DOCK4: variants seen among roughly 807,000 people sequenced by gnomAD.
DOCK4 encodes dedicator of cytokinesis 4, also known as dedicator of cytokinesis protein 4.
A neutral mutation model predicts 268.1 loss-of-function variants in DOCK4; 97 were observed. That is an observed-to-expected ratio of 0.36 (90% CI 0.31 to 0.43). The LOEUF is 0.43. Among genes scored for constraint, DOCK4 ranks in the 20% least tolerant of loss-of-function variants. DOCK4 has a pLI of 1.00. For missense variants in DOCK4, 2,145 were observed against 2,455.7 expected, an observed-to-expected ratio of 0.87 and a Z score of 2.67; for synonymous variants, 954 against 887.2, an observed-to-expected ratio of 1.08 and a Z score of -1.34.
chr7:111,958,213 G>A (rs773701061), intron 8 of DOCK4, among the ~76,000 whole-genome samples: 6 of 152,110 alleles, frequency 3.9e-5, no homozygotes, highest in Non-Finnish European at 8.8e-5. Context: ...CCTGTGTCAG[G>A]CGCACTACAA....
At chr7:111,916,597 C>T (rs950242259) in intron 12 of DOCK4, among the ~76,000 whole-genome samples, 1 of 152,036 alleles carries the variant, frequency 6.6e-6, no homozygotes, top group African/African-American at 2.4e-5. Flanking sequence ...AAGGACATTA[C>T]CTTAGCTGGA....
intron 12 of DOCK4, among the ~76,000 whole-genome samples, chr7:111,933,859 C>T (rs971171590): frequency 2.6e-5 from 4 of 152,136 alleles, no homozygotes; most frequent in Non-Finnish European, 2.9e-5. Flanking sequence ...TAGTCTGAAG[C>T]GTTGCCACAT....
At chr7:111,903,123 G>A (rs1278929547) in intron 13 of DOCK4, among the ~76,000 whole-genome samples, 1 of 152,132 alleles carries the variant, frequency 6.6e-6, no homozygotes, top group Non-Finnish European at 1.5e-5. Flanking sequence ...GTCAAAGTGT[G>A]CACAAGGAAG....
chr7:111,761,120 G>A (rs1049838601), intron 39 of DOCK4, among the ~76,000 whole-genome samples: 4 of 151,102 alleles, frequency 2.6e-5, no homozygotes, highest in Admixed American at 1.3e-4. Flanking sequence ...GCATGCAGTG[G>A]TATGATCTCA....
In DOCK4 at chr7:111,758,632, C is replaced by T; in HGVS notation, c.4321G>A (p.Glu1441Lys). The T allele has an allele frequency of 6.2e-7, 1 of 1,613,908 alleles. No homozygotes were observed. The highest frequency in any genetic ancestry group is 8.5e-7 in the Non-Finnish European group (1 of 1,179,850). ...TAAGAATTGCATGGTACCTTGAATT[C>T]ATTCTCTTTATCTTTTGTGCCTTTG... ...FHKGTKDKEN[E>K]FKSLWVERTS... The change falls in exon 41 of 53, where the codon GAA becomes AAA. Residue 1441 changes from glutamate (E) to lysine (K), a missense_variant. This residue lies in a region of DOCK4 where 1,598 missense variants were observed against 1,986.7 expected (regional missense o/e 0.80). Transcript: ENST00000428084.
At chr7:111,980,616 G>C (rs1195586317) in intron 7 of DOCK4, among the ~76,000 whole-genome samples, 1 of 152,164 alleles carries the variant, frequency 6.6e-6, no homozygotes, top group East Asian at 1.9e-4. Flanking sequence ...TCCTTGTTGT[G>C]GGGGCTGTCC....
intron 1 of DOCK4, among the ~76,000 whole-genome samples, chr7:112,150,135 T>G (rs1325553609): frequency 1.3e-5 from 2 of 152,182 alleles, no homozygotes; most frequent in African/African-American, 4.8e-5. Flanking sequence ...TAATCTGAAC[T>G]TAGGTCTGAC....
chr7:112,094,930 C>A (rs1809972591), intron 1 of DOCK4, among the ~76,000 whole-genome samples: 1 of 152,160 alleles, frequency 6.6e-6, no homozygotes, highest in Non-Finnish European at 1.5e-5. Flanking sequence ...CATGAGGCCT[C>A]CCCAGAAGCA....
chr7:112,102,180 G>C (rs2135817050), intron 1 of DOCK4, among the ~76,000 whole-genome samples: 1 of 152,228 alleles, frequency 6.6e-6, no homozygotes, highest in East Asian at 1.9e-4. Context: ...ATTGTTTATG[G>C]ATCTATCTGT....
intron 36 of DOCK4, among the ~76,000 whole-genome samples, chr7:111,776,868 T>G (rs1233841536): frequency 6.6e-6 from 1 of 152,174 alleles, no homozygotes; most frequent in East Asian, 1.9e-4. Flanking sequence ...TCTTCCAGGG[T>G]GGAGTGCAGT....
intron 1 of DOCK4, among the ~76,000 whole-genome samples, chr7:112,199,240 G>C (rs1820718751): frequency 6.6e-6 from 1 of 152,126 alleles, no homozygotes; most frequent in East Asian, 1.9e-4. Context: ...TCCTTCATGA[G>C]GTATCATGAA....
chr7:111,847,295 C>T (rs1451261326), intron 23 of DOCK4, among the ~76,000 whole-genome samples, 169 bp from the exon 24 acceptor site: 2 of 152,196 alleles, frequency 1.3e-5, no homozygotes, highest in Non-Finnish European at 2.9e-5. Context: ...GTTCCTTTCC[C>T]TAATGCACAA....
chr7:111,933,221 C>T (rs1398405746), intron 12 of DOCK4, among the ~76,000 whole-genome samples: 10 of 136,900 alleles, frequency 7.3e-5, no homozygotes, highest in East Asian at 2.1e-4. Context: ...CACATATATA[C>T]GTATATACAC....
chr7:112,189,419 G>C (rs1397280159), intron 1 of DOCK4, among the ~76,000 whole-genome samples: 3 of 152,096 alleles, frequency 2.0e-5, no homozygotes, highest in Non-Finnish European at 4.4e-5. Flanking sequence ...TTCTACAACT[G>C]ACCATTACAT....
At chr7:112,066,141 G>A (rs1271702700) in intron 1 of DOCK4, among the ~76,000 whole-genome samples, 2 of 152,182 alleles carry the variant, frequency 1.3e-5, no homozygotes, top group Non-Finnish European at 2.9e-5. Flanking sequence ...GGTGTTTCAG[G>A]AAGAGAACAG....
At chr7:111,856,810 CCAAAGGCTTT>C (rs1805049694) in intron 23 of DOCK4, among the ~76,000 whole-genome samples, 1 of 152,060 alleles carries the variant, frequency 6.6e-6, no homozygotes, top group African/African-American at 2.4e-5. Flanking sequence ...TGATTTTTAG[CCAAAGGCTTT>C]CTTGAGGTCC....
At chr7:112,032,882 C>A (rs547923650) in intron 1 of DOCK4, among the ~76,000 whole-genome samples, 1 of 151,952 alleles carries the variant, frequency 6.6e-6, no homozygotes, top group Non-Finnish European at 1.5e-5. Context: ...AAAAAGACAT[C>A]CTAATCTCTG....
Position 111,940,187 on chromosome 7 carries a change from G to C in DOCK4, c.900C>G (p.Pro300=). The change falls in exon 11 of 53, where the codon CCC becomes CCG. Residue 300 remains proline, a synonymous_variant. Transcript: ENST00000428084. ...CGATGCTAAGAACTGCACAGCCAAA[G>C]GGTCGTCGGTACTGGACACTACAGG... is the stretch of plus-strand genomic sequence containing the variant. ...KNACSVQYRR[P]FGCAVLSIAD... 3 of 1,613,974 alleles carry C rather than the reference G, an allele frequency of 1.9e-6. No individual in the cohort carries two copies. The highest frequency in any genetic ancestry group is 2.5e-6 in the Non-Finnish European group (3 of 1,179,876).
intron 12 of DOCK4, among the ~76,000 whole-genome samples, chr7:111,921,983 T>C (rs770572542): frequency 6.6e-6 from 1 of 152,234 alleles, no homozygotes; most frequent in Non-Finnish European, 1.5e-5. Context: ...AATATGTCTG[T>C]ATATTGAGAA....
Sources: allele counts gnomAD v4.1 joint callset (sites outside exome capture counted in the v4.1 genomes callset), GRCh38; gene constraint gnomAD v4.1.1; regional missense constraint gnomAD v4.1.1; transcripts MANE v1.5; gene names NCBI Gene and HGNC (gene_info 2026-07-23, HGNC 2026-07-21).